The following ZNF652 variants were observed in gnomAD, a reference collection of about 807,000 sequenced individuals.
ZNF652 encodes zinc finger protein 652.
ZNF652 carries 16 observed loss-of-function variants against 45.2 expected under a neutral mutation model. The ratio of observed to expected loss-of-function variants is 0.35; its 90% CI spans 0.24 to 0.54. ZNF652 has a LOEUF of 0.54. ZNF652 is among the 20% of genes least tolerant of loss of function. The pLI is 0.91. For missense variants in ZNF652, 614 were observed against 765.6 expected (o/e 0.80, Z 2.34); for synonymous variants, 250 against 260.6 (o/e 0.96, Z 0.39).
chr17:49,350,973 A>G (rs574765234), intron 1 of ZNF652, among the ~76,000 whole-genome samples: 4,437 of 16,174 alleles, frequency 0.27, 255 homozygotes, highest in African/African-American at 0.45. Flanking sequence ...CTGTCTACAT[A>G]TATATATATA....
At chr17:49,313,426 C>T (rs1050088260) in intron 2 of ZNF652, among the ~76,000 whole-genome samples, 2 of 151,908 alleles carry the variant, frequency 1.3e-5, no homozygotes, top group Non-Finnish European at 2.9e-5. Flanking sequence ...CAAAGTACTG[C>T]GATTACAGGC....
At chr17:49,300,175 T>C (rs2069532799) in intron 5 of ZNF652, among the ~76,000 whole-genome samples, 2 of 152,192 alleles carry the variant, frequency 1.3e-5, no homozygotes, top group South Asian at 4.1e-4. Context: ...TCTCAATGAG[T>C]GCTATGGCAT....
intron 2 of ZNF652, among the ~76,000 whole-genome samples, chr17:49,313,841 C>T (rs865849161): frequency 3.3e-5 from 5 of 150,794 alleles, no homozygotes; most frequent in South Asian, 4.2e-4. Context: ...GGCGTGGTGG[C>T]GCATGCCTGT....
Position 49,292,473 on chromosome 17 carries a change from C to T in ZNF652, c.*5940G>A, listed in dbSNP as rs2069416408. ...AAAGTAAACAGAAGTTTTTGAGGGA[C>T]AGGGCCATGAGAGAGCAGAAACCCA... is the stretch of plus-strand genomic sequence containing the variant. On this transcript the variant is annotated 3_prime_UTR_variant, in exon 6 of 6. Transcript: ENST00000430262. 6.6e-6 allele frequency among the ~76,000 whole-genome samples: 1 copy of T among 152,090 alleles called. No individual in the cohort carries two copies. Among genetic ancestry groups the T allele is most frequent in the South Asian group, 2.1e-4 (1 of 4,822 alleles).
At chr17:49,350,432 G>A (rs928533798) in intron 1 of ZNF652, among the ~76,000 whole-genome samples, 5 of 151,374 alleles carry the variant, frequency 3.3e-5, no homozygotes, top group Admixed American at 1.3e-4. Context: ...CCAGCTACTC[G>A]GGAGGCTGAG....
chr17:49,321,590 C>T (rs2069893858), intron 1 of ZNF652, among the ~76,000 whole-genome samples: 1 of 152,022 alleles, frequency 6.6e-6, no homozygotes, highest in Non-Finnish European at 1.5e-5. Context: ...TTTTCAAAGC[C>T]ACTGAGACCT....
Position 49,292,557 on chromosome 17 carries a change from C to T in ZNF652, c.*5856G>A, listed in dbSNP as rs144235519. On this transcript the variant is annotated 3_prime_UTR_variant, in exon 6 of 6. Coordinates refer to ENST00000430262, the MANE Select transcript of ZNF652 (RefSeq NM_001145365.3). ...AGAGTATAGTCTTGCAAAATGTGTACGGAAGGGAGTGGGCACATGGGAACA... is the reference window on the plus strand; with the variant it reads ...AGAGTATAGTCTTGCAAAATGTGTATGGAAGGGAGTGGGCACATGGGAACA... Among the ~76,000 whole-genome samples, 427 of 152,056 alleles carry T rather than the reference C, an allele frequency of 2.8e-3. No homozygotes were observed. The highest frequency in any genetic ancestry group is 9.7e-3 in the African/African-American group (402 of 41,470).
chr17:49,334,100 T>C (rs889706916), intron 1 of ZNF652, among the ~76,000 whole-genome samples: 6 of 152,220 alleles, frequency 3.9e-5, no homozygotes, highest in Non-Finnish European at 2.9e-5. Flanking sequence ...TTATTTATAA[T>C]AGCCAAAAGG....
At chr17:49,356,624 G>A (rs1211117083) in intron 1 of ZNF652, among the ~76,000 whole-genome samples, 1 of 151,894 alleles carries the variant, frequency 6.6e-6, no homozygotes, top group Non-Finnish European at 1.5e-5. Context: ...AAAGTATACT[G>A]CAAAATCTAA....
intron 5 of ZNF652, among the ~76,000 whole-genome samples, chr17:49,306,766 T>G (rs1037209761): frequency 6.6e-6 from 1 of 152,144 alleles, no homozygotes; most frequent in African/African-American, 2.4e-5. Flanking sequence ...TGTAGCTATT[T>G]TTTTGAGACG....
chr17:49,292,824 A>G lies in ZNF652; in HGVS notation c.*5589T>C, dbSNP rs2069421554. 6.6e-6 allele frequency among the ~76,000 whole-genome samples: 1 copy of G among 152,242 alleles called. No individual in the cohort carries two copies. Among genetic ancestry groups the G allele is most frequent in the Admixed American group, 6.5e-5 (1 of 15,268 alleles). ...AAGTTAAAAATATAACCTAAAAATG[A>G]CATGGAGGAACAAAACAGAAATACG... is the stretch of plus-strand genomic sequence containing the variant. On this transcript the variant is annotated 3_prime_UTR_variant, in exon 6 of 6. Transcript: ENST00000430262.
rs1295973983 is a variant in ZNF652, at chr17:49,290,091, G to GT, written c.*8321dup. On this transcript the variant is annotated 3_prime_UTR_variant, in exon 6 of 6. Coordinates refer to ENST00000430262, the MANE Select transcript of ZNF652 (RefSeq NM_001145365.3). ...CTAAACCAATCACAGCTTCAGTTTT[G>GT]TTTTTTGTCAAGTGTTGGAGTTACA... 15 of 152,168 alleles carry GT rather than the reference G, an allele frequency of 9.9e-5. No homozygotes were observed. The highest frequency in any genetic ancestry group is 3.1e-4 in the African/African-American group (13 of 41,412). 9.4% of individuals were successfully genotyped at this position (152,168 alleles called of 1,614,324 possible). A position where few individuals can be genotyped will look rare whatever the true frequency, so the allele number is the denominator to read the frequency against.
At chr17:49,331,908 G>A (rs1024717002) in intron 1 of ZNF652, among the ~76,000 whole-genome samples, 3 of 152,234 alleles carry the variant, frequency 2.0e-5, no homozygotes, top group African/African-American at 7.2e-5. Context: ...GGCGGAGCTT[G>A]CAGTGAGCTG....
In ZNF652 at chr17:49,337,796, C is replaced by A. The variant is rs1332915738; in HGVS notation, c.-258-19813G>T. 4.6e-5 allele frequency among the ~76,000 whole-genome samples: 7 copies of A among 152,186 alleles called. No homozygotes were observed. The Middle Eastern group carries it at 0.01, about 222-fold the overall frequency. On this transcript the variant is annotated intron_variant, in intron 1 of 5. Coordinates refer to ENST00000430262, the MANE Select transcript of ZNF652 (RefSeq NM_001145365.3). Reference sequence around the variant, plus strand: ...GGTTTATACACTAAGCGCTGTCTGTCCAATTCCTACATTCTATTCATGCAT... The same window carrying A: ...GGTTTATACACTAAGCGCTGTCTGTACAATTCCTACATTCTATTCATGCAT...
Position 49,291,451 on chromosome 17 carries a change from A to G in ZNF652, c.*6962T>C, listed in dbSNP as rs1401008675. On this transcript the variant is annotated 3_prime_UTR_variant, in exon 6 of 6. Transcript: ENST00000430262. ...CTACCTCCTTTCTTGCCCCATCCTC[A>G]CTTCCTATGAAATCATTTTCAAGTA... 2.0e-5 allele frequency: 3 copies of G among 152,142 alleles called. No individual in the cohort carries two copies. Among genetic ancestry groups the G allele is most frequent in the Non-Finnish European group, 4.4e-5 (3 of 68,014 alleles). 9.4% of individuals were successfully genotyped at this position (152,142 alleles called of 1,614,324 possible).
At chr17:49,310,174 C>T (rs373239523) in intron 5 of ZNF652, among the ~76,000 whole-genome samples, 11 of 152,270 alleles carry the variant, frequency 7.2e-5, no homozygotes, top group African/African-American at 2.4e-4. Flanking sequence ...AGGATGGTCT[C>T]GATCTCCTGA....
intron 1 of ZNF652, among the ~76,000 whole-genome samples, chr17:49,350,623 T>C (rs1372371690): frequency 6.6e-6 from 1 of 152,014 alleles, no homozygotes; most frequent in Non-Finnish European, 1.5e-5. Context: ...ACAGATTTTC[T>C]TTGATTCAAA....
At chr17:49,348,918 T>C (rs1442776950) in intron 1 of ZNF652, among the ~76,000 whole-genome samples, 3 of 152,192 alleles carry the variant, frequency 2.0e-5, no homozygotes, top group African/African-American at 4.8e-5. Flanking sequence ...GAGGATTTTT[T>C]CTTTTTTTCT....
chr17:49,321,131 C>T (rs2069886089), intron 1 of ZNF652, among the ~76,000 whole-genome samples: 2 of 152,228 alleles, frequency 1.3e-5, no homozygotes, highest in Non-Finnish European at 2.9e-5. Flanking sequence ...AGGGCATTTA[C>T]TAACCAATAT....
Sources: allele counts gnomAD v4.1 joint callset (sites outside exome capture counted in the v4.1 genomes callset), GRCh38; gene constraint gnomAD v4.1.1; transcripts MANE v1.5; gene names NCBI Gene and HGNC (gene_info 2026-07-23, HGNC 2026-07-21).